The following RAPGEF2 variants were observed in gnomAD, a reference collection of about 807,000 sequenced individuals.
The protein encoded by RAPGEF2 is Rap guanine nucleotide exchange factor 2, also known as PDZ domain containing guanine nucleotide exchange factor (GEF) 1.
Under a neutral mutation model 186.7 loss-of-function variants are expected in RAPGEF2, and 54 were observed. That is an observed-to-expected ratio of 0.29 (90% CI 0.23 to 0.36). RAPGEF2 has a LOEUF of 0.36. Ranked by LOEUF, RAPGEF2 falls within the 10% of genes least tolerant of loss-of-function variation. RAPGEF2 has a pLI of 1.00. For missense variants in RAPGEF2, 1,532 were observed against 2,045.0 expected, an observed-to-expected ratio of 0.75 and a Z score of 4.84; for synonymous variants, 712 against 705.9, an observed-to-expected ratio of 1.01 and a Z score of -0.14.
Position 159,318,299 on chromosome 4 carries a change from T to C in RAPGEF2, c.853+3531T>C, listed in dbSNP as rs114288751. ...AATATGTGTGAGAACTGTTTAGCTC[T>C]TGTTAAATGCAACTCATCCTCCAGG... On this transcript the variant is annotated intron_variant, in intron 9 of 29. Transcript: ENST00000691494. 2.8e-3 allele frequency among the ~76,000 whole-genome samples: 433 copies of C among 152,352 alleles called. 2 individuals are homozygous for C. Among genetic ancestry groups the C allele is most frequent in the African/African-American group, 9.4e-3 (389 of 41,584 alleles).
intron 1 of RAPGEF2, among the ~76,000 whole-genome samples, chr4:159,161,888 G>GT (rs1744745589): frequency 6.6e-6 from 1 of 152,186 alleles, no homozygotes; most frequent in African/African-American, 2.4e-5. Flanking sequence ...AATAGAGGAA[G>GT]TTAAGACTTT....
Position 159,331,508 on chromosome 4 carries a change from A to G in RAPGEF2, c.1545A>G (p.Leu515=), listed in dbSNP as rs1766677005. 8 of 1,613,264 alleles carry G rather than the reference A, an allele frequency of 5.0e-6. No individual in the cohort carries two copies. The highest frequency in any genetic ancestry group is 3.3e-5 in the South Asian group (3 of 91,040). Residue 515 remains leucine (L), a synonymous_variant, in exon 14 of 30, where the codon TTA becomes TTG. Transcript: ENST00000691494. ...FEGDPAMTRF[L]EEFENNLERE... is the part of the protein sequence containing the mutation. ...GAGATCCTGCAATGACTCGATTTTT[A>G]GAAGAATTTGAAAACAATCTGGAAA...
At position 159,332,658 on chromosome 4, in the gene RAPGEF2, A is replaced by G. The variant is rs1426966682; in HGVS notation, c.2096A>G (p.Asp699Gly). 1.2e-6 allele frequency: 2 copies of G among 1,614,142 alleles called. No homozygotes were observed. Among genetic ancestry groups the G allele is most frequent in the Admixed American group, 1.7e-5 (1 of 60,022 alleles). Reference protein sequence around the residue: ...GGRNKLKKILDKTRISILPQK... With the variant: ...GGRNKLKKILGKTRISILPQK... ...AGGAACAAGCTGAAAAAGATACTCGACAAGACTCGGATCAGTATCTTGCCA... is the reference window on the plus strand; with the variant it reads ...AGGAACAAGCTGAAAAAGATACTCGGCAAGACTCGGATCAGTATCTTGCCA... The change falls in exon 17 of 30, where the codon GAC (aspartate) becomes GGC (glycine). Residue 699 changes from aspartate (D) to glycine (G), a missense_variant. Asp to Gly is a moderately conservative substitution (Grantham distance 94, BLOSUM62 -1). Around this residue, in one of 4 missense-constraint regions of RAPGEF2, gnomAD observed 810 missense variants for 1,210.5 expected, o/e 0.67. Transcript: ENST00000691494.
intron 28 of RAPGEF2, among the ~76,000 whole-genome samples, chr4:159,355,029 T>A (rs1731764106): frequency 6.6e-6 from 1 of 152,226 alleles, no homozygotes; most frequent in African/African-American, 2.4e-5. Flanking sequence ...TTTAATATCC[T>A]TTTACAATGA....
chr4:159,216,175 G>A (rs1414005979), intron 4 of RAPGEF2, among the ~76,000 whole-genome samples: 1 of 152,078 alleles, frequency 6.6e-6, no homozygotes, highest in Admixed American at 6.5e-5. Context: ...TCTACACTGA[G>A]TCCTGGAATA....
chr4:159,285,104 CT>C (rs1760285904), intron 7 of RAPGEF2, among the ~76,000 whole-genome samples: 1 of 151,992 alleles, frequency 6.6e-6, no homozygotes, highest in Admixed American at 6.6e-5. Flanking sequence ...ACCTCTATTA[CT>C]TTTTTTATGT....
intron 1 of RAPGEF2, among the ~76,000 whole-genome samples, chr4:159,107,909 G>T (rs1341157243): frequency 6.6e-6 from 1 of 152,150 alleles, no homozygotes; most frequent in East Asian, 1.9e-4. Context: ...ATATTTGTCA[G>T]CTTATACTCT....
At chr4:159,227,257 C>G (rs750872889) in intron 4 of RAPGEF2, among the ~76,000 whole-genome samples, 1 of 152,164 alleles carries the variant, frequency 6.6e-6, no homozygotes, top group Non-Finnish European at 1.5e-5. Context: ...TTATATTCAT[C>G]TGCCATTTTT....
chr4:159,352,903 A>G lies in RAPGEF2; in HGVS notation c.4084A>G (p.Ser1362Gly). 6.2e-7 allele frequency: 1 copy of G among 1,612,696 alleles called. No homozygotes were observed. The highest frequency in any genetic ancestry group is 8.5e-7 in the Non-Finnish European group (1 of 1,178,930). ...GACCATGATTGAACCTGATCAGTAT[A>G]GCTTGGGGTAGGTGGCTCTTTTTAA... ...RRTMIEPDQY[S>G]LGSYAPMSEG... Residue 1362 changes from serine (S) to glycine (G), a missense_variant, in exon 27 of 30, where the codon AGC becomes GGC. Physicochemically the swap from Ser to Gly is moderately conservative, Grantham distance 56 (BLOSUM62 0). Around this residue, in one of 4 missense-constraint regions of RAPGEF2, gnomAD observed 594 missense variants for 608.5 expected, o/e 0.98. Transcript: ENST00000691494.
At chr4:159,284,481 GACACAC>G (rs36232973) in intron 7 of RAPGEF2, among the ~76,000 whole-genome samples, 23,630 of 139,736 alleles carry the variant, frequency 0.17, 2,079 homozygotes, top group East Asian at 0.37. Flanking sequence ...CCGCCATGGA[GACACAC>G]ACACACACAC....
chr4:159,146,978 A>G (rs572799039), intron 1 of RAPGEF2, among the ~76,000 whole-genome samples: 6 of 152,328 alleles, frequency 3.9e-5, no homozygotes, highest in East Asian at 1.9e-4. Context: ...TATTTTTTGT[A>G]GAGATGGATT....
At chr4:159,321,128 C>T (rs1765182726) in intron 9 of RAPGEF2, among the ~76,000 whole-genome samples, 2 of 151,910 alleles carry the variant, frequency 1.3e-5, no homozygotes, top group South Asian at 4.2e-4. Context: ...GTACATACAC[C>T]CTGTGCTCTT....
intron 1 of RAPGEF2, among the ~76,000 whole-genome samples, chr4:159,137,986 T>G (rs2111154100): frequency 6.6e-6 from 1 of 152,332 alleles, no homozygotes; most frequent in African/African-American, 2.4e-5. Flanking sequence ...TGTGTCCACA[T>G]AAGATTTTAT....
intron 4 of RAPGEF2, among the ~76,000 whole-genome samples, chr4:159,223,208 T>TTACC (rs386402021): frequency 2.0e-5 from 3 of 151,818 alleles, no homozygotes; most frequent in Non-Finnish European, 2.9e-5. Context: ...TAGATGTTTC[T>TTACC]TACGGCGTTA....
At chr4:159,125,115 C>A (rs2111108567) in intron 1 of RAPGEF2, among the ~76,000 whole-genome samples, 1 of 152,028 alleles carries the variant, frequency 6.6e-6, no homozygotes, top group South Asian at 2.1e-4. Context: ...GTTATTAAGC[C>A]ACACGCAAAC....
chr4:159,104,489 C>CAA (rs1737568409), intron 1 of RAPGEF2, among the ~76,000 whole-genome samples: 1 of 88,766 alleles, frequency 1.1e-5, no homozygotes, highest in African/African-American at 5.5e-5. Context: ...GTTGCCCAGC[C>CAA]GAGAGAGAGA....
intron 2 of RAPGEF2, among the ~76,000 whole-genome samples, chr4:159,191,572 C>G (rs1488698341): frequency 5.9e-5 from 9 of 152,114 alleles, no homozygotes; most frequent in Non-Finnish European, 1.3e-4. Flanking sequence ...AACCCTGTCT[C>G]TACTAAAAAT....
intron 4 of RAPGEF2, among the ~76,000 whole-genome samples, chr4:159,212,103 C>T (rs1441481036): frequency 1.3e-5 from 2 of 152,088 alleles, no homozygotes; most frequent in African/African-American, 2.4e-5. Context: ...AATGAGGAAA[C>T]GATGGTAATA....
At chr4:159,129,638 A>G (rs1740783278) in intron 1 of RAPGEF2, among the ~76,000 whole-genome samples, 1 of 152,228 alleles carries the variant, frequency 6.6e-6, no homozygotes, top group Non-Finnish European at 1.5e-5. Flanking sequence ...TCCCTATTCT[A>G]TCCACTCTAC....
Sources: allele counts gnomAD v4.1 joint callset (sites outside exome capture counted in the v4.1 genomes callset), GRCh38; gene constraint gnomAD v4.1.1; regional missense constraint gnomAD v4.1.1; transcripts MANE v1.5; gene names NCBI Gene and HGNC (gene_info 2026-07-23, HGNC 2026-07-21).